Variants in CNTNAP2 observed in about 807,000 individuals in gnomAD.
CNTNAP2 encodes contactin-associated protein-like 2.
A neutral mutation model predicts 155.2 loss-of-function variants in CNTNAP2; 98 were observed. The ratio of observed to expected loss-of-function variants is 0.63; its 90% CI spans 0.54 to 0.75. The LOEUF (loss-of-function observed/expected upper bound fraction) is 0.75, where lower values mean the gene tolerates loss of function less well. Ranked by LOEUF, CNTNAP2 falls within the 30% of genes least tolerant of loss-of-function variation. CNTNAP2 has a pLI of 0.00. For missense variants in CNTNAP2, 1,727 were observed against 1,688.1 expected (o/e 1.02, Z -0.40); for synonymous variants, 651 against 631.2 (o/e 1.03, Z -0.47).
intron 9 of CNTNAP2, among the ~76,000 whole-genome samples, chr7:147,358,559 G>A (rs1796098705): frequency 6.6e-6 from 1 of 151,888 alleles, no homozygotes; most frequent in South Asian, 2.1e-4. Flanking sequence ...TTATTCATGT[G>A]TGATTTATGG....
At chr7:147,592,000 A>T (rs928286283) in intron 12 of CNTNAP2, among the ~76,000 whole-genome samples, 1 of 152,168 alleles carries the variant, frequency 6.6e-6, no homozygotes, top group Non-Finnish European at 1.5e-5. Flanking sequence ...GCATACCATC[A>T]TTTTCACCAT....
chr7:148,358,449 A>T (rs1585303676), intron 21 of CNTNAP2, among the ~76,000 whole-genome samples: 2 of 152,144 alleles, frequency 1.3e-5, no homozygotes, highest in South Asian at 4.2e-4. Flanking sequence ...GAATGTGGAG[A>T]TTGCATGAGA....
In CNTNAP2 at chr7:146,680,218, A is replaced by G. The variant is rs572787343; in HGVS notation, c.98-94053A>G. Among the ~76,000 whole-genome samples the G allele has an allele frequency of 2.0e-5, 3 of 152,310 alleles. No individual in the cohort carries two copies. In the East Asian group the frequency reaches 5.8e-4, roughly 29 times the overall value. Reference sequence around the variant, plus strand: ...CAAGGGCAGTTCGTTTGTGAGCAATAGAATCAAGATTCAAACCTAGACTTT... The same window carrying G: ...CAAGGGCAGTTCGTTTGTGAGCAATGGAATCAAGATTCAAACCTAGACTTT... On this transcript the variant is annotated intron_variant, in intron 1 of 23. Coordinates refer to ENST00000361727, the MANE Select transcript of CNTNAP2 (RefSeq NM_014141.6).
At chr7:146,789,231 G>A (rs1235103292) in intron 2 of CNTNAP2, among the ~76,000 whole-genome samples, 1 of 152,070 alleles carries the variant, frequency 6.6e-6, no homozygotes, top group Admixed American at 6.6e-5. Flanking sequence ...TCACTATTCT[G>A]TCCTCCACTT....
intron 1 of CNTNAP2, among the ~76,000 whole-genome samples, chr7:146,733,674 G>A (rs1801564928): frequency 6.6e-6 from 1 of 152,020 alleles, no homozygotes; most frequent in Non-Finnish European, 1.5e-5. Flanking sequence ...TGATGAGGAT[G>A]TGCAGTCATG....
At chr7:146,319,034 G>A (rs982767812) in intron 1 of CNTNAP2, among the ~76,000 whole-genome samples, 2 of 152,010 alleles carry the variant, frequency 1.3e-5, no homozygotes, top group Admixed American at 6.6e-5. Flanking sequence ...CACTGTCACA[G>A]ATCCAACATG....
chr7:146,134,600 A>G (rs2116743378), intron 1 of CNTNAP2, among the ~76,000 whole-genome samples: 1 of 150,546 alleles, frequency 6.6e-6, no homozygotes, highest in African/African-American at 2.4e-5. Context: ...TACCTAATTT[A>G]TTGAGAGTTT....
chr7:146,458,688 T>A (rs1376016384), intron 1 of CNTNAP2, among the ~76,000 whole-genome samples: 1 of 152,160 alleles, frequency 6.6e-6, no homozygotes, highest in Non-Finnish European at 1.5e-5. Context: ...GGTGTTTCTG[T>A]GAGTGGTATT....
intron 11 of CNTNAP2, among the ~76,000 whole-genome samples, chr7:147,543,097 C>T (rs931333400): frequency 4.6e-5 from 7 of 152,188 alleles, no homozygotes; most frequent in Non-Finnish European, 5.9e-5. Flanking sequence ...GAGCCCCGAA[C>T]AGGGATTTAC....
intron 10 of CNTNAP2, among the ~76,000 whole-genome samples, chr7:147,447,371 T>A (rs1230463318): frequency 6.6e-6 from 1 of 152,158 alleles, no homozygotes; most frequent in Non-Finnish European, 1.5e-5. Context: ...CCAAAATATT[T>A]ACAGTGACTT....
chr7:148,089,480 A>G (rs769055965), intron 15 of CNTNAP2, among the ~76,000 whole-genome samples: 3 of 152,088 alleles, frequency 2.0e-5, no homozygotes, highest in Non-Finnish European at 4.4e-5. Flanking sequence ...TCAACATACA[A>G]AAATCAACAG....
At chr7:146,591,600 G>A (rs891767971) in intron 1 of CNTNAP2, among the ~76,000 whole-genome samples, 2 of 152,146 alleles carry the variant, frequency 1.3e-5, no homozygotes, top group Admixed American at 6.5e-5. Context: ...TTATTAGGTA[G>A]AAGAAACCCT....
chr7:146,520,193 T>C (rs115553928), intron 1 of CNTNAP2, among the ~76,000 whole-genome samples: 6,512 of 150,688 alleles, frequency 0.043, 472 homozygotes, highest in African/African-American at 0.15. Context: ...TAATTATAGT[T>C]GACAATAACT....
chr7:146,614,010 A>G (rs1206332829), intron 1 of CNTNAP2, among the ~76,000 whole-genome samples: 1 of 152,144 alleles, frequency 6.6e-6, no homozygotes, highest in African/African-American at 2.4e-5. Flanking sequence ...ACCCTTTATC[A>G]TATTATCATC....
intron 1 of CNTNAP2, among the ~76,000 whole-genome samples, chr7:146,630,847 A>G (rs1206859835): frequency 2.0e-5 from 3 of 152,148 alleles, no homozygotes; most frequent in South Asian, 4.1e-4. Context: ...AATACAACTT[A>G]AAAGGGATGT....
intron 13 of CNTNAP2, among the ~76,000 whole-genome samples, chr7:147,693,028 G>A (rs573355303): frequency 1.3e-5 from 2 of 151,992 alleles, no homozygotes; most frequent in Non-Finnish European, 2.9e-5. Context: ...GGGGTTCAAG[G>A]TGTATGTCTA....
intron 1 of CNTNAP2, among the ~76,000 whole-genome samples, chr7:146,629,160 A>G (rs1458287954): frequency 6.6e-6 from 1 of 152,148 alleles, no homozygotes; most frequent in Non-Finnish European, 1.5e-5. Context: ...CATATGCTCC[A>G]AATTGTGTGT....
intron 1 of CNTNAP2, among the ~76,000 whole-genome samples, chr7:146,183,256 A>G (rs1350881793): frequency 3.3e-5 from 5 of 152,064 alleles, no homozygotes; most frequent in Non-Finnish European, 4.4e-5. Context: ...AACCAGAACA[A>G]TTGGTGTCTG....
chr7:146,532,438 C>T (rs570147272), intron 1 of CNTNAP2, among the ~76,000 whole-genome samples: 35 of 152,222 alleles, frequency 2.3e-4, no homozygotes, highest in African/African-American at 8.4e-4. Context: ...CTGAACATTT[C>T]TAACTTTTTT....
Sources: gnomAD v4.1 joint callset for allele counts (sites outside exome capture counted in the v4.1 genomes callset) on GRCh38, gnomAD v4.1.1 for gene constraint, MANE v1.5 for transcripts, NCBI Gene and HGNC (gene_info 2026-07-23, HGNC 2026-07-21) for gene names.